The following SESTD1 variants were observed in gnomAD, a reference collection of about 807,000 sequenced individuals.
SESTD1 encodes SEC14 and spectrin domain containing 1, also known as SEC14 domain and spectrin repeat-containing protein 1.
SESTD1 carries 43 observed loss-of-function variants against 101.7 expected under a neutral mutation model. The ratio of observed to expected loss-of-function variants is 0.42; its 90% confidence interval spans 0.33 to 0.55. SESTD1 has a LOEUF of 0.55. SESTD1 is among the 20% of genes least tolerant of loss of function. The pLI, the probability that SESTD1 is intolerant of heterozygous loss-of-function variation, is 0.07. For missense variants in SESTD1, 647 were observed against 815.1 expected (o/e 0.79, Z 2.51); for synonymous variants, 283 against 286.8 (o/e 0.99, Z 0.13).
chr2:179,159,903 G>A (rs1008455761), intron 5 of SESTD1, among the ~76,000 whole-genome samples: 2 of 152,168 alleles, frequency 1.3e-5, no homozygotes, highest in African/African-American at 4.8e-5. Context: ...CACCCAGACT[G>A]GAGTGCAATA....
At chr2:179,200,991 C>T (rs2046502756) in intron 1 of SESTD1, among the ~76,000 whole-genome samples, 1 of 134,054 alleles carries the variant, frequency 7.5e-6, no homozygotes, top group Admixed American at 7.2e-5. Context: ...AGGCAACCTA[C>T]AGAATGGGAG....
At chr2:179,124,225 T>C in intron 11 of SESTD1, 139 bp downstream of exon 11, 3 of 778,964 alleles carry the variant, frequency 3.9e-6, no homozygotes, top group Non-Finnish European at 6.0e-6. Flanking sequence ...CAAAGAATTT[T>C]ATCTCATTAC....
At chr2:179,262,261 G>T (rs936194904) in intron 1 of SESTD1, among the ~76,000 whole-genome samples, 1 of 152,128 alleles carries the variant, frequency 6.6e-6, no homozygotes, top group African/African-American at 2.4e-5. Flanking sequence ...GGGTAATAAC[G>T]TTCTTGGATT....
Position 179,102,260 on chromosome 2 carries a change from T to G in SESTD1, c.*7639A>C, listed in dbSNP as rs1298094940. 5 of 152,132 alleles carry G rather than the reference T, an allele frequency of 3.3e-5. No homozygotes were observed. The highest frequency in any genetic ancestry group is 3.3e-4 in the Admixed American group (5 of 15,256). 9.4% of individuals were successfully genotyped at this position (152,132 alleles called of 1,614,324 possible). ...AGCAGAAGCCTCTGTCTTCTAAGAC[T>G]CCAGGTTATTTCAGAATATACAAGT... On this transcript the variant is annotated 3_prime_UTR_variant, in exon 18 of 18. Transcript: ENST00000428443.
Position 179,152,693 on chromosome 2 carries a change from C to T in SESTD1, c.370-1302G>A, listed in dbSNP as rs576096701. 9.2e-5 allele frequency among the ~76,000 whole-genome samples: 14 copies of T among 152,198 alleles called. No individual in the cohort carries two copies. In the South Asian group the frequency reaches 2.9e-3, roughly 32 times the overall value. The stretch of plus-strand genomic sequence containing the variant: ...AGGGAAAATTTCATCCTCAGGAAGA[C>T]ACCAAAAACATTGCATGAAAAATTC... On this transcript the variant is annotated intron_variant, in intron 5 of 17. Coordinates refer to ENST00000428443, the MANE Select transcript of SESTD1 (RefSeq NM_178123.5).
In SESTD1 at chr2:179,107,820, T is replaced by C. The variant is rs1006161980; in HGVS notation, c.*2079A>G. The C allele has an allele frequency of 6.6e-6, 1 of 152,060 alleles. No homozygotes were observed. The highest frequency in any genetic ancestry group is 2.4e-5 in the African/African-American group (1 of 41,368). The allele number at this position is 152,060 out of a possible 1,614,324, so 9.4% of individuals were successfully genotyped here. A position where few individuals can be genotyped will look rare whatever the true frequency, so the allele number is the denominator to read the frequency against. On this transcript the variant is annotated 3_prime_UTR_variant, in exon 18 of 18. Coordinates refer to ENST00000428443, the MANE Select transcript of SESTD1 (RefSeq NM_178123.5). The stretch of plus-strand genomic sequence containing the variant: ...CTTACTGGGTACAGACATAAACAAC[T>C]GTAGAATGTGATAGCACCATCATGA...
intron 1 of SESTD1, among the ~76,000 whole-genome samples, chr2:179,215,234 G>A (rs1241083620): frequency 7.4e-6 from 1 of 134,790 alleles, no homozygotes; most frequent in East Asian, 2.0e-4. Context: ...AAAATTGATA[G>A]ACCACTAGCA....
intron 2 of SESTD1, among the ~76,000 whole-genome samples, chr2:179,190,604 C>A (rs2046305594): frequency 1.3e-5 from 2 of 152,066 alleles, no homozygotes; most frequent in African/African-American, 4.8e-5. Context: ...AGACAACCTA[C>A]AAAATGGGAG....
At chr2:179,229,741 G>T (rs939472989) in intron 1 of SESTD1, among the ~76,000 whole-genome samples, 23 of 101,934 alleles carry the variant, frequency 2.3e-4, no homozygotes, top group Non-Finnish European at 4.7e-4. Context: ...TTAAGATTTT[G>T]TAAGAACTTA....
chr2:179,193,082 G>A (rs2046341149), intron 1 of SESTD1, among the ~76,000 whole-genome samples: 1 of 151,788 alleles, frequency 6.6e-6, no homozygotes. Context: ...AAAAACTCCA[G>A]AAACAGCCCT....
At chr2:179,185,039 G>C (rs1471196673) in intron 2 of SESTD1, among the ~76,000 whole-genome samples, 1 of 152,028 alleles carries the variant, frequency 6.6e-6, no homozygotes, top group Non-Finnish European at 1.5e-5. Flanking sequence ...GATTATAAGA[G>C]AATAATAGTG....
chr2:179,230,109 A>ATCTC lies in SESTD1; in HGVS notation c.-26+34386_-26+34389dup, dbSNP rs778841296. Among the ~76,000 whole-genome samples, 5 of 94,190 alleles carry ATCTC rather than the reference A, an allele frequency of 5.3e-5. 1 individual carries two copies. Among genetic ancestry groups the ATCTC allele is most frequent in the South Asian group, 7.7e-4 (2 of 2,602 alleles). 61.8% of individuals were successfully genotyped at this position (94,190 alleles called of 152,430 possible). A position where few individuals can be genotyped will look rare whatever the true frequency, so the allele number is the denominator to read the frequency against. On this transcript the variant is annotated intron_variant, in intron 1 of 17. Transcript: ENST00000428443. ...TAATAAATATTCCAAACTGGATTGT[A>ATCTC]TCTCTTTTTTTTTTTTTTTTTTTTT...
At chr2:179,227,644 G>C (rs775340275) in intron 1 of SESTD1, among the ~76,000 whole-genome samples, 7 of 152,120 alleles carry the variant, frequency 4.6e-5, no homozygotes, top group Admixed American at 1.3e-4. Flanking sequence ...AATGATTTAA[G>C]GTTAAAAGAG....
intron 6 of SESTD1, among the ~76,000 whole-genome samples, chr2:179,150,282 T>C (rs557516710): frequency 6.6e-6 from 1 of 152,204 alleles, no homozygotes; most frequent in African/African-American, 2.4e-5. Flanking sequence ...AAGTTCACCA[T>C]TCTCCAATAA....
rs200654572 is a variant in SESTD1 at position 179,156,630 on chromosome 2, G to A, written c.370-5239C>T. On this transcript the variant is annotated intron_variant, in intron 5 of 17. Coordinates refer to ENST00000428443, the MANE Select transcript of SESTD1 (RefSeq NM_178123.5). ...TGGCCATTTGTATATCTTCTTTTGAGAATTGTCTATTCATGTCCTTAGCCT... is the reference window on the plus strand; with the variant it reads ...TGGCCATTTGTATATCTTCTTTTGAAAATTGTCTATTCATGTCCTTAGCCT... Among the ~76,000 whole-genome samples the A allele has an allele frequency of 2.1e-3, 322 of 152,248 alleles. 1 individual carries two copies. Among genetic ancestry groups the A allele is most frequent in the East Asian group, 0.014 (74 of 5,190 alleles).
rs532683997 is a variant in SESTD1, at chr2:179,157,756, A to G, written c.370-6365T>C. Among the ~76,000 whole-genome samples the G allele has an allele frequency of 2.6e-4, 39 of 152,330 alleles. No homozygotes were observed. The South Asian group carries it at 3.1e-3, about 12-fold the overall frequency. On this transcript the variant is annotated intron_variant, in intron 5 of 17. Transcript: ENST00000428443. ...ATCATTATTTAGTGGAGCTAAATTTATTTATTAGAAGACGTGTATTTTAGT... is the reference window on the plus strand; with the variant it reads ...ATCATTATTTAGTGGAGCTAAATTTGTTTATTAGAAGACGTGTATTTTAGT...
chr2:179,222,604 C>T (rs927839074), intron 1 of SESTD1, among the ~76,000 whole-genome samples: 4 of 152,080 alleles, frequency 2.6e-5, no homozygotes, highest in African/African-American at 9.7e-5. Flanking sequence ...ATTCTTTCAT[C>T]CTCATATTAA....
At chr2:179,113,865 CAA>C (rs778424702) in intron 16 of SESTD1, among the ~76,000 whole-genome samples, 26 of 90,404 alleles carry the variant, frequency 2.9e-4, no homozygotes, top group Non-Finnish European at 3.0e-4. Flanking sequence ...GACTCTGTCT[CAA>C]AAAAAAAAAA....
chr2:179,191,888 T>C (rs1400950531), intron 1 of SESTD1, 22 bp from the exon 2 acceptor site: 1 of 1,468,578 alleles, frequency 6.8e-7, no homozygotes, highest in East Asian at 2.3e-5. Context: ...GAAAGTCAAA[T>C]GTCAACTACA....
Sources: allele counts gnomAD v4.1 joint callset (sites outside exome capture counted in the v4.1 genomes callset), GRCh38; gene constraint gnomAD v4.1.1; transcripts MANE v1.5; gene names NCBI Gene and HGNC (gene_info 2026-07-23, HGNC 2026-07-21).